Variants in CANX observed in about 807,000 individuals in gnomAD.
The protein encoded by CANX is epididymis secretory sperm binding protein.
CANX carries 14 observed loss-of-function variants against 75.7 expected under a neutral mutation model. The observed-to-expected ratio is 0.19, with a 90% CI of 0.12 to 0.29. The LOEUF (loss-of-function observed/expected upper bound fraction) is 0.29, where lower values mean the gene tolerates loss of function less well. CANX is among the 10% of genes least tolerant of loss of function. The pLI, the probability that CANX is intolerant of heterozygous loss-of-function variation, is 1.00. For missense variants in CANX, 567 were observed against 713.2 expected, an observed-to-expected ratio of 0.79 and a Z score of 2.34; for synonymous variants, 227 against 236.9, an observed-to-expected ratio of 0.96 and a Z score of 0.38.
rs530023226 is a variant in CANX at position 179,678,730 on chromosome 5, C to T, written c.-51C>T. ...GCTTCTCCAGCAAGTGCATGCGCGC[C>T]ATGGTCTCAGTCAGCATGTCTATGA... is the stretch of plus-strand genomic sequence containing the variant. On this transcript the variant is annotated 5_prime_UTR_variant, in exon 1 of 15. Transcript: ENST00000681674. The T allele has an allele frequency of 3.3e-6, 5 of 1,537,036 alleles. No individual in the cohort carries two copies. The highest frequency in any genetic ancestry group is 2.7e-5 in the African/African-American group (2 of 73,170).
Position 179,722,898 on chromosome 5 carries a change from T to C in CANX, c.1277T>C (p.Leu426Pro). 6.2e-7 allele frequency: 1 copy of C among 1,613,612 alleles called. No individual in the cohort carries two copies. The highest frequency in any genetic ancestry group is 8.5e-7 in the Non-Finnish European group (1 of 1,179,470). Reference protein sequence around the residue: ...MTPFSAIGLELWSMTSDIFFD... With the variant: ...MTPFSAIGLEPWSMTSDIFFD... ...CCTTTTAGTGCTATTGGTTTGGAGC[T>C]GTGGTCCATGACCTCTGACATTTTT... Residue 426 changes from leucine (L) to proline (P), a missense_variant, in exon 11 of 15, where the codon CTG becomes CCG. Physicochemically the swap from Leu to Pro is moderately conservative, Grantham distance 98 (BLOSUM62 -3). This residue lies in a region of CANX where 49 missense variants were observed against 100.1 expected (regional missense o/e 0.49). Coordinates refer to ENST00000247461, the MANE Select transcript of CANX (RefSeq NM_001746.4).
At chr5:179,702,301 C>T (rs974048749) in intron 1 of CANX, among the ~76,000 whole-genome samples, 3 of 151,792 alleles carry the variant, frequency 2.0e-5, no homozygotes, top group Non-Finnish European at 4.4e-5. Flanking sequence ...ATCCTGCTTC[C>T]TCCAACTCCC....
Position 179,729,513 on chromosome 5 carries a change from G to A in CANX, c.*869G>A, listed in dbSNP as rs1778874717. 6.5e-6 allele frequency: 1 copy of A among 152,754 alleles called. No homozygotes were observed. Among genetic ancestry groups the A allele is most frequent in the Non-Finnish European group, 1.5e-5 (1 of 68,102 alleles). 9.5% of individuals were successfully genotyped at this position (152,754 alleles called of 1,614,324 possible). A position where few individuals can be genotyped will look rare whatever the true frequency, so the allele number is the denominator to read the frequency against. On this transcript the variant is annotated 3_prime_UTR_variant, in exon 15 of 15. Transcript: ENST00000247461. ...TTCATCACTTCTTCCACTGTGTGTT[G>A]ACACTGTTTTCCTTACCTATTTCCT...
intron 1 of CANX, chr5:179,678,854 A>G (rs1338950041): frequency 1.3e-6 from 2 of 1,536,572 alleles, no homozygotes; most frequent in South Asian, 2.4e-5. Context: ...GGTCCGCGAG[A>G]GCAGCGGCGA....
intron 1 of CANX, among the ~76,000 whole-genome samples, chr5:179,681,484 C>A (rs1044153070): frequency 4.6e-5 from 7 of 152,168 alleles, no homozygotes; most frequent in Non-Finnish European, 2.9e-5. Context: ...TAAGGCTGAG[C>A]CAGAGTGTGG....
chr5:179,712,569 C>T (rs1363285807), intron 7 of CANX, among the ~76,000 whole-genome samples: 1 of 151,822 alleles, frequency 6.6e-6, no homozygotes, highest in Non-Finnish European at 1.5e-5. Flanking sequence ...CAGGCATGTG[C>T]CACCACGCCT....
rs768879945 is a variant in CANX, at chr5:179,720,524, A to G, written c.1146A>G (p.Lys382=). 1 of 1,614,110 alleles carries G rather than the reference A, an allele frequency of 6.2e-7. No individual in the cohort carries two copies. Residue 382 remains lysine (K), a synonymous_variant, in exon 10 of 15, where the codon AAA becomes AAG. Transcript: ENST00000247461. ...TTGACAACCCCAATTATAAAGGCAA[A>G]TGGAAGCCTCCTATGATTGACAATC... ...PVIDNPNYKG[K]WKPPMIDNPS... is the part of the protein sequence containing the mutation.
intron 1 of CANX, among the ~76,000 whole-genome samples, chr5:179,692,446 A>C (rs988802458): frequency 6.6e-6 from 1 of 152,114 alleles, no homozygotes; most frequent in Non-Finnish European, 1.5e-5. Context: ...AGTGGTTCAC[A>C]TCTGTAATCC....
rs757194559 is a variant in CANX, at chr5:179,719,816, G to T, written c.1025+35G>T. On this transcript the variant is annotated intron_variant, in intron 9 of 14. Coordinates refer to ENST00000247461, the MANE Select transcript of CANX (RefSeq NM_001746.4). ...TCAGTTAACTTTTTTTAATTACCTG[G>T]TTTTTTTGTTTGTTTTTTTTTTTGA... is the stretch of plus-strand genomic sequence containing the variant. 15 of 1,136,928 alleles carry T rather than the reference G, an allele frequency of 1.3e-5. No homozygotes were observed. In the East Asian group the frequency reaches 2.0e-4, roughly 15 times the overall value. 70.4% of individuals were successfully genotyped at this position (1,136,928 alleles called of 1,614,324 possible). A position where few individuals can be genotyped will look rare whatever the true frequency, so the allele number is the denominator to read the frequency against.
chr5:179,719,795 T>A lies in CANX; in HGVS notation c.1025+14T>A. 7.4e-7 allele frequency: 1 copy of A among 1,358,364 alleles called. No homozygotes were observed. The highest frequency in any genetic ancestry group is 1.0e-6 in the Non-Finnish European group (1 of 971,330). 84.1% of individuals were successfully genotyped at this position (1,358,364 alleles called of 1,614,324 possible). On this transcript the variant is annotated intron_variant, in intron 9 of 14. Transcript: ENST00000247461. ...ACCTGAGGATTGGTAAGAACTTCAG[T>A]TAACTTTTTTTAATTACCTGGTTTT... is the stretch of plus-strand genomic sequence containing the variant.
At chr5:179,722,219 G>C (rs1778357781) in intron 10 of CANX, among the ~76,000 whole-genome samples, 2 of 152,176 alleles carry the variant, frequency 1.3e-5, no homozygotes, top group South Asian at 4.1e-4. Flanking sequence ...AGTCCCAGCT[G>C]CTTAGGCACG....
upstream of CANX, among the ~76,000 whole-genome samples, chr5:179,697,190 A>G (rs1348988150): frequency 6.6e-6 from 1 of 152,006 alleles, no homozygotes; most frequent in Non-Finnish European, 1.5e-5. Context: ...TCTTCCTAGT[A>G]TCTGGGTCTA....
chr5:179,698,951 G>T, upstream of CANX: 1 of 1,118,246 alleles, frequency 8.9e-7, no homozygotes, highest in Non-Finnish European at 1.1e-6. Context: ...CGTGCGGTGG[G>T]GCTCGCTCGC....
In CANX at chr5:179,705,132, C is replaced by T. The variant is rs1029635859; in HGVS notation, c.-3-547C>T. Among the ~76,000 whole-genome samples, 4 of 152,038 alleles carry T rather than the reference C, an allele frequency of 2.6e-5. 1 individual carries two copies. The highest frequency in any genetic ancestry group is 5.9e-5 in the Non-Finnish European group (4 of 68,016). On this transcript the variant is annotated intron_variant, in intron 1 of 14. Transcript: ENST00000247461. Reference sequence around the variant, plus strand: ...TCCCAAGTAGCTGAGACTACAGGCGCCCGCTATCGCTCCCAGCTAATTTTT... The same window carrying T: ...TCCCAAGTAGCTGAGACTACAGGCGTCCGCTATCGCTCCCAGCTAATTTTT...
intron 1 of CANX, among the ~76,000 whole-genome samples, chr5:179,682,037 A>G (rs1410510441): frequency 1.3e-5 from 2 of 151,438 alleles, no homozygotes; most frequent in East Asian, 3.9e-4. Context: ...GATCACCTGA[A>G]GTCAGAAGCT....
chr5:179,689,356 G>A (rs79374701), intron 1 of CANX, among the ~76,000 whole-genome samples: 2,113 of 140,452 alleles, frequency 0.015, 47 homozygotes, highest in African/African-American at 0.049. Flanking sequence ...CTACCAAAAA[G>A]AGAAAGCTAC....
intron 1 of CANX, among the ~76,000 whole-genome samples, chr5:179,685,044 C>T (rs996634597): frequency 4.5e-4 from 65 of 143,814 alleles, no homozygotes; most frequent in African/African-American, 1.6e-3. Context: ...TCCCAAAGTG[C>T]TGGGATTACA....
At chr5:179,692,834 T>C (rs1776320956) in intron 1 of CANX, among the ~76,000 whole-genome samples, 1 of 152,070 alleles carries the variant, frequency 6.6e-6, no homozygotes, top group Admixed American at 6.6e-5. Flanking sequence ...TAATGATTCC[T>C]TACAAACCAG....
At position 179,722,447 on chromosome 5, in the gene CANX, T is replaced by C. The variant is rs532957817; in HGVS notation, c.1183-357T>C. On this transcript the variant is annotated intron_variant, in intron 10 of 14. Transcript: ENST00000247461. ...GAAGTGAATTGCTGGTTGATGATCA[T>C]GTGCGTTTTATTTTAAATCACCACT... 3.3e-5 allele frequency among the ~76,000 whole-genome samples: 5 copies of C among 152,362 alleles called. No individual in the cohort carries two copies. In the South Asian group the frequency reaches 1.0e-3, roughly 32 times the overall value.
Sources: allele counts gnomAD v4.1 joint callset (sites outside exome capture counted in the v4.1 genomes callset), GRCh38; gene constraint gnomAD v4.1.1; regional missense constraint gnomAD v4.1.1; transcripts MANE v1.5; gene names NCBI Gene and HGNC (gene_info 2026-07-23, HGNC 2026-07-21).